CDKAL1: variants seen among roughly 807,000 people sequenced by gnomAD.
CDKAL1 encodes CDKAL1 threonylcarbamoyladenosine tRNA methylthiotransferase.
In CDKAL1, 32 loss-of-function variants were observed where a neutral mutation model predicts 68.2. The observed-to-expected ratio is 0.47, with a 90% CI of 0.35 to 0.63. CDKAL1 has a LOEUF of 0.63. Ranked by LOEUF, CDKAL1 falls within the 30% of genes least tolerant of loss-of-function variation. CDKAL1 has a pLI of 0.00. For missense variants in CDKAL1, 606 were observed against 696.7 expected (o/e 0.87, Z 1.47); for synonymous variants, 234 against 244.3 (o/e 0.96, Z 0.39).
At chr6:20,712,312 G>A (rs1771883413) in intron 5 of CDKAL1, among the ~76,000 whole-genome samples, 4 of 152,218 alleles carry the variant, frequency 2.6e-5, no homozygotes, top group Admixed American at 1.3e-4. Context: ...GACTTTTCTG[G>A]AGGAAATGAC....
At chr6:20,864,278 A>G (rs944924621) in intron 9 of CDKAL1, among the ~76,000 whole-genome samples, 4 of 121,654 alleles carry the variant, frequency 3.3e-5, no homozygotes, top group East Asian at 2.5e-4. Flanking sequence ...GACATTTTGC[A>G]TTTTATTGTG....
intron 13 of CDKAL1, among the ~76,000 whole-genome samples, chr6:21,177,856 A>G (rs1208487676): frequency 6.6e-6 from 1 of 152,228 alleles, no homozygotes; most frequent in East Asian, 1.9e-4. Flanking sequence ...CTCTTAGCCT[A>G]GCAACCAAAT....
intron 2 of CDKAL1, among the ~76,000 whole-genome samples, chr6:20,536,785 C>T (rs1376269074): frequency 2.6e-5 from 4 of 152,050 alleles, no homozygotes; most frequent in Non-Finnish European, 5.9e-5. Flanking sequence ...CCAGCCTGGA[C>T]AACAAAGCGA....
At chr6:20,874,947 GT>G (rs1180916921) in intron 9 of CDKAL1, among the ~76,000 whole-genome samples, 2 of 152,118 alleles carry the variant, frequency 1.3e-5, no homozygotes, top group Non-Finnish European at 2.9e-5. Context: ...GAGAGGTTGT[GT>G]CAAAAAACTT....
chr6:20,909,314 G>A (rs1762366829), intron 9 of CDKAL1, among the ~76,000 whole-genome samples: 1 of 152,028 alleles, frequency 6.6e-6, no homozygotes, highest in South Asian at 2.1e-4. Flanking sequence ...AGAAAATTGG[G>A]ATTAGGGAAT....
intron 7 of CDKAL1, among the ~76,000 whole-genome samples, chr6:20,776,108 A>G (rs986441989): frequency 6.6e-6 from 1 of 152,202 alleles, no homozygotes; most frequent in African/African-American, 2.4e-5. Flanking sequence ...ATTTGCATGT[A>G]GATAGTGAAG....
At chr6:21,153,713 A>G (rs1776518933) in intron 13 of CDKAL1, among the ~76,000 whole-genome samples, 1 of 152,212 alleles carries the variant, frequency 6.6e-6, no homozygotes, top group Non-Finnish European at 1.5e-5. Flanking sequence ...CTTAGCATAA[A>G]TGAGAGAAAG....
At chr6:20,915,312 C>A (rs1258884788) in intron 9 of CDKAL1, among the ~76,000 whole-genome samples, 7 of 152,042 alleles carry the variant, frequency 4.6e-5, no homozygotes, top group Admixed American at 3.3e-4. Context: ...ACACACACCC[C>A]CACACACACA....
In CDKAL1 at chr6:21,108,969, A is replaced by G. The variant is rs141621695; in HGVS notation, c.1299+506A>G. 9.9e-4 allele frequency among the ~76,000 whole-genome samples: 151 copies of G among 152,330 alleles called. 1 individual carries two copies. The highest frequency in any genetic ancestry group is 7.6e-3 in the Admixed American group (117 of 15,302). On this transcript the variant is annotated intron_variant, in intron 13 of 15. Transcript: ENST00000274695. ...ATGACCAAATAACGTGACGACCCAC[A>G]TGTACCCATCCCACAGCTTCATAGA...
At chr6:20,807,223 T>A (rs1199970200) in intron 8 of CDKAL1, among the ~76,000 whole-genome samples, 1 of 151,740 alleles carries the variant, frequency 6.6e-6, no homozygotes, top group Non-Finnish European at 1.5e-5. Context: ...AGGGCCAAAA[T>A]TGATTTTTTT....
At chr6:20,849,343 G>A (rs951237092) in intron 9 of CDKAL1, among the ~76,000 whole-genome samples, 1 of 151,950 alleles carries the variant, frequency 6.6e-6, no homozygotes, top group Non-Finnish European at 1.5e-5. Flanking sequence ...CAGCACTTTG[G>A]GAGGCCAAGG....
intron 9 of CDKAL1, among the ~76,000 whole-genome samples, chr6:20,937,535 A>G (rs1763780333): frequency 6.6e-6 from 1 of 152,222 alleles, no homozygotes; most frequent in Admixed American, 6.5e-5. Context: ...AGGTCCATCT[A>G]GGATCCCACA....
chr6:20,904,657 C>T (rs981003434), intron 9 of CDKAL1, among the ~76,000 whole-genome samples: 3 of 152,072 alleles, frequency 2.0e-5, no homozygotes, highest in African/African-American at 4.8e-5. Context: ...GGTGTGGTGG[C>T]ACATGCCTGT....
intron 8 of CDKAL1, among the ~76,000 whole-genome samples, chr6:20,817,482 T>G (rs1777095304): frequency 6.6e-6 from 1 of 152,186 alleles, no homozygotes; most frequent in Non-Finnish European, 1.5e-5. Context: ...AATAATTTTA[T>G]TGGGAAAAAA....
chr6:20,612,020 G>A (rs541390341), intron 4 of CDKAL1, among the ~76,000 whole-genome samples: 2 of 152,164 alleles, frequency 1.3e-5, no homozygotes, highest in East Asian at 3.9e-4. Flanking sequence ...TTCTTTGCCT[G>A]GTTTATTTCA....
chr6:20,920,178 G>A (rs1020415062), intron 9 of CDKAL1, among the ~76,000 whole-genome samples: 1 of 152,160 alleles, frequency 6.6e-6, no homozygotes, highest in African/African-American at 2.4e-5. Flanking sequence ...TCAATTCTCA[G>A]TTAGCACTGT....
chr6:21,159,335 A>G (rs1776797647), intron 13 of CDKAL1, among the ~76,000 whole-genome samples: 1 of 152,176 alleles, frequency 6.6e-6, no homozygotes, highest in Non-Finnish European at 1.5e-5. Flanking sequence ...CTTTAGCCCA[A>G]GCAACCTCTT....
chr6:20,772,729 T>A (rs960678134), intron 7 of CDKAL1: 1 of 152,194 alleles, frequency 6.6e-6, no homozygotes, highest in Non-Finnish European at 1.5e-5. Context: ...ACACATAAAT[T>A]TTACATTATT....
At chr6:21,135,580 C>T (rs955898144) in intron 13 of CDKAL1, 7 of 540,708 alleles carry the variant, frequency 1.3e-5, no homozygotes, top group African/African-American at 6.2e-5. Context: ...TACTTTTCCC[C>T]GGTAAAGGAC....
Sources: gnomAD v4.1 joint callset for allele counts (sites outside exome capture counted in the v4.1 genomes callset) on GRCh38, gnomAD v4.1.1 for gene constraint, MANE v1.5 for transcripts, NCBI Gene and HGNC (gene_info 2026-07-23, HGNC 2026-07-21) for gene names.